Variants in SLC1A2 observed in about 807,000 individuals in gnomAD.
SLC1A2 encodes excitatory amino acid transporter 2.
A neutral mutation model predicts 48.8 loss-of-function variants in SLC1A2; 15 were observed. That is an observed-to-expected ratio of 0.31 (90% confidence interval 0.21 to 0.47). The LOEUF (loss-of-function observed/expected upper bound fraction) is 0.47. Ranked by LOEUF, SLC1A2 falls within the 20% of genes least tolerant of loss-of-function variation. The pLI is 0.99. For missense variants in SLC1A2, 502 were observed against 730.5 expected (o/e 0.69, Z 3.61); for synonymous variants, 279 against 272.6 (o/e 1.02, Z -0.23).
chr11:35,347,294 C>T (rs1853072347), intron 1 of SLC1A2, among the ~76,000 whole-genome samples: 1 of 152,162 alleles, frequency 6.6e-6, no homozygotes, highest in Non-Finnish European at 1.5e-5. Context: ...TTTGGACACT[C>T]CCATGAATGG....
intron 1 of SLC1A2, among the ~76,000 whole-genome samples, chr11:35,415,605 A>G (rs911496871): frequency 3.9e-5 from 6 of 152,226 alleles, no homozygotes; most frequent in Non-Finnish European, 8.8e-5. Flanking sequence ...CAAGGGGAGA[A>G]GCAAGAGGAC....
At chr11:35,364,178 GCA>G (rs1368517871) in intron 1 of SLC1A2, among the ~76,000 whole-genome samples, 8 of 152,156 alleles carry the variant, frequency 5.3e-5, no homozygotes, top group Non-Finnish European at 1.2e-4. Flanking sequence ...CCAGGAGCTG[GCA>G]AGCAGCCTCT....
intron 1 of SLC1A2, chr11:35,418,540 T>G (rs1855681274): frequency 5.2e-6 from 1 of 192,634 alleles, no homozygotes; most frequent in Non-Finnish European, 1.1e-5. Flanking sequence ...TCTTGGCTCA[T>G]TCCTTCCGAG....
At chr11:35,404,403 C>T in intron 1 of SLC1A2, 1 of 152,516 alleles carries the variant, frequency 6.6e-6, no homozygotes, top group Non-Finnish European at 1.5e-5. Flanking sequence ...AGGATGAGGA[C>T]GAGGACCCAG....
intron 8 of SLC1A2, among the ~76,000 whole-genome samples, chr11:35,284,444 A>G (rs1449418685): frequency 6.6e-6 from 1 of 152,154 alleles, no homozygotes; most frequent in Non-Finnish European, 1.5e-5. Context: ...TTATCTATGT[A>G]TAAGGTGAGA....
In SLC1A2 at chr11:35,286,930, G is replaced by A. The variant is rs141932906; in HGVS notation, c.1113C>T (p.Thr371=). The change falls in exon 8 of 11, where the codon ACC becomes ACT. Residue 371 remains threonine, a synonymous_variant. Coordinates refer to ENST00000278379, the MANE Select transcript of SLC1A2 (RefSeq NM_004171.4). ...TASSAGTLPV[T]FRCLEENLGI... ...CCAGATTTTCTTCCAGGCAACGAAA[G>A]GTGACAGGCAAAGTTCCAGCACTGA... 5.5e-5 allele frequency: 89 copies of A among 1,614,004 alleles called. No homozygotes were observed. In the African/African-American group the frequency reaches 9.1e-4, roughly 16 times the overall value.
intron 8 of SLC1A2, 86 bp downstream of exon 8, chr11:35,286,671 A>G: frequency 1.1e-6 from 1 of 933,524 alleles, no homozygotes; most frequent in Non-Finnish European, 1.6e-6. Flanking sequence ...AGCAGAAATG[A>G]AATTCAAGTG....
intron 1 of SLC1A2, among the ~76,000 whole-genome samples, chr11:35,377,712 G>T (rs759896628): frequency 6.6e-6 from 1 of 152,156 alleles, no homozygotes; most frequent in Non-Finnish European, 1.5e-5. Context: ...AAAGTAAGCT[G>T]CAAAGATAGG....
chr11:35,259,434 TTATTCAATA>T lies in SLC1A2; in HGVS notation c.*1451_*1459del, dbSNP rs1186863894. On this transcript the variant is annotated 3_prime_UTR_variant, in exon 11 of 11. Coordinates refer to ENST00000278379, the MANE Select transcript of SLC1A2 (RefSeq NM_004171.4). The stretch of plus-strand genomic sequence containing the variant: ...AGCAACCTTAGGAAAATACTGTGCG[TTATTCAATA>T]AAAAAGGATAGTAGAGACATTAAAA... The T allele has an allele frequency of 6.6e-6, 1 of 152,666 alleles. No homozygotes were observed. The highest frequency in any genetic ancestry group is 2.4e-5 in the African/African-American group (1 of 41,460). The allele number at this position is 152,666 out of a possible 1,614,324, so 9.5% of individuals were successfully genotyped here. A position where few individuals can be genotyped will look rare whatever the true frequency, so the allele number is the denominator to read the frequency against.
intron 9 of SLC1A2, among the ~76,000 whole-genome samples, chr11:35,278,200 T>C (rs1467956953): frequency 1.3e-5 from 2 of 151,900 alleles, no homozygotes; most frequent in Non-Finnish European, 2.9e-5. Context: ...GGAAAATCTA[T>C]GGCCTTCCTT....
intron 1 of SLC1A2, among the ~76,000 whole-genome samples, chr11:35,325,573 G>C (rs534312684): frequency 6.6e-6 from 1 of 152,300 alleles, no homozygotes; most frequent in South Asian, 2.1e-4. Flanking sequence ...TCCATTGTAA[G>C]AGGTAGTGGT....
chr11:35,290,238 A>G (rs1850953250), intron 7 of SLC1A2, among the ~76,000 whole-genome samples: 1 of 152,136 alleles, frequency 6.6e-6, no homozygotes, highest in Non-Finnish European at 1.5e-5. Flanking sequence ...TCATCATACA[A>G]CCTTGCAGAG....
At chr11:35,406,517 T>C (rs557003746) in intron 1 of SLC1A2, among the ~76,000 whole-genome samples, 1 of 152,192 alleles carries the variant, frequency 6.6e-6, no homozygotes, top group South Asian at 2.1e-4. Flanking sequence ...GCCAGTCATC[T>C]GTGGAATGGT....
rs754221505 is a variant in SLC1A2, at chr11:35,286,911, T to C, written c.1132A>G (p.Asn378Asp). 1.2e-6 allele frequency: 2 copies of C among 1,614,074 alleles called. No individual in the cohort carries two copies. Among genetic ancestry groups the C allele is most frequent in the South Asian group, 1.1e-5 (1 of 91,076 alleles). ...LPVTFRCLEENLGIDKRVTRF... is the reference protein window; with the variant it reads ...LPVTFRCLEEDLGIDKRVTRF... ...GTCACACGCTTATCAATCCCCAGAT[T>C]TTCTTCCAGGCAACGAAAGGTGACA... Residue 378 changes from asparagine to aspartate, a missense_variant, in exon 8 of 11, where the codon AAT becomes GAT. Coordinates refer to ENST00000278379, the MANE Select transcript of SLC1A2 (RefSeq NM_004171.4).
At chr11:35,352,461 T>C (rs7130967) in intron 1 of SLC1A2, 121,737 of 152,254 alleles carry the variant, frequency 0.8, 49,250 homozygotes, top group East Asian at 0.92. Context: ...GGCAGGTTAG[T>C]TCTTTATCCA....
At chr11:35,291,056 C>G (rs1196210694) in intron 7 of SLC1A2, among the ~76,000 whole-genome samples, 1 of 152,140 alleles carries the variant, frequency 6.6e-6, no homozygotes, top group Non-Finnish European at 1.5e-5. Context: ...TGGCACCTCC[C>G]TAGCATTGCA....
chr11:35,403,969 A>G (rs1440041628), intron 1 of SLC1A2, among the ~76,000 whole-genome samples: 1 of 41,004 alleles, frequency 2.4e-5, no homozygotes, highest in Non-Finnish European at 6.0e-5. Flanking sequence ...AAGCAAACAT[A>G]TGGACACGTG....
chr11:35,339,669 G>C (rs1266286653), intron 1 of SLC1A2, among the ~76,000 whole-genome samples: 1 of 152,152 alleles, frequency 6.6e-6, no homozygotes, highest in Non-Finnish European at 1.5e-5. Flanking sequence ...AGCATAAGTT[G>C]GATGGGCAGA....
chr11:35,372,554 G>C (rs1416983395), intron 1 of SLC1A2, among the ~76,000 whole-genome samples: 1 of 152,190 alleles, frequency 6.6e-6, no homozygotes, highest in African/African-American at 2.4e-5. Flanking sequence ...ACCTAGCAAA[G>C]GACCAGCCAC....
Sources: allele counts gnomAD v4.1 joint callset (sites outside exome capture counted in the v4.1 genomes callset), GRCh38; gene constraint gnomAD v4.1.1; transcripts MANE v1.5; gene names NCBI Gene and HGNC (gene_info 2026-07-23, HGNC 2026-07-21).